The following MYRFL variants were observed in gnomAD, a reference collection of about 807,000 sequenced individuals.
MYRFL encodes myelin regulatory factor-like protein.
Under a neutral mutation model 109.4 loss-of-function variants are expected in MYRFL, and 88 were observed. The ratio of observed to expected loss-of-function variants is 0.80; its 90% CI spans 0.68 to 0.96. The LOEUF is 0.96. Among genes scored for constraint, MYRFL ranks in the 40% least tolerant of loss-of-function variants. The pLI, the probability that MYRFL is intolerant of heterozygous loss-of-function variation, is 0.00. For missense variants in MYRFL, 957 were observed against 954.9 expected (o/e 1.00, Z -0.03); for synonymous variants, 324 against 320.9 (o/e 1.01, Z -0.10).
intron 1 of MYRFL, among the ~76,000 whole-genome samples, chr12:69,847,429 T>C (rs1227755124): frequency 6.6e-6 from 1 of 152,224 alleles, no homozygotes; most frequent in Non-Finnish European, 1.5e-5. Flanking sequence ...TACTCAGAGA[T>C]GAACTTCTTT....
chr12:69,872,301 T>A (rs1885399723), intron 2 of MYRFL, among the ~76,000 whole-genome samples: 1 of 152,148 alleles, frequency 6.6e-6, no homozygotes, highest in Non-Finnish European at 1.5e-5. Context: ...AGTTGCTTTT[T>A]AAAAATCCAT....
At position 69,911,512 on chromosome 12, in the gene MYRFL, G is replaced by A. The variant is rs184571655; in HGVS notation, c.1602+582G>A. Among the ~76,000 whole-genome samples the A allele has an allele frequency of 5.3e-5, 8 of 152,122 alleles. No individual in the cohort carries two copies. The East Asian group carries it at 1.5e-3, about 29-fold the overall frequency. The stretch of plus-strand genomic sequence containing the variant: ...GGGCCTGATCATTTTTTTCCCAAGG[G>A]CCTCTCTTAATTCTTTGATATTCAA... On this transcript the variant is annotated intron_variant, in intron 13 of 24. Coordinates refer to ENST00000552032, the MANE Select transcript of MYRFL (RefSeq NM_182530.3).
intron 2 of MYRFL, among the ~76,000 whole-genome samples, chr12:69,870,818 A>T (rs1195990192): frequency 6.6e-6 from 1 of 152,216 alleles, no homozygotes; most frequent in Non-Finnish European, 1.5e-5. Flanking sequence ...CTTCATCTTA[A>T]AACCACCAAC....
intron 2 of MYRFL, among the ~76,000 whole-genome samples, chr12:69,866,796 C>T (rs1296317281): frequency 1.3e-5 from 2 of 152,162 alleles, no homozygotes; most frequent in African/African-American, 4.8e-5. Context: ...ACCAAATGCT[C>T]TATAAAAAAC....
intron 2 of MYRFL, among the ~76,000 whole-genome samples, chr12:69,864,898 T>C (rs1269305539): frequency 6.6e-6 from 1 of 152,224 alleles, no homozygotes; most frequent in African/African-American, 2.4e-5. Flanking sequence ...GTATGGTCTC[T>C]CTCCTCTTAA....
In MYRFL at chr12:69,926,932, G is replaced by GTTTTTTTTTTTTTTTTTTTTTT. The variant is rs1336716063; in HGVS notation, c.1766+198_1766+199insTTTTTTTTTTTTTTTTTTTTTT. 1.2e-3 allele frequency among the ~76,000 whole-genome samples: 90 copies of GTTTTTTTTTTTTTTTTTTTTTT among 76,848 alleles called. 36 individuals are homozygous for GTTTTTTTTTTTTTTTTTTTTTT. Among genetic ancestry groups the GTTTTTTTTTTTTTTTTTTTTTT allele is most frequent in the Non-Finnish European group, 1.9e-3 (73 of 39,076 alleles). 50.4% of individuals were successfully genotyped at this position (76,848 alleles called of 152,430 possible). A position where few individuals can be genotyped will look rare whatever the true frequency, so the allele number is the denominator to read the frequency against. ...ACTTTCTTAGTTTTTTTCTGTTGCT[G>GTTTTTTTTTTTTTTTTTTTTTT]GTTTTTTTTTTTTTTTTTTTTTTTT... On this transcript the variant is annotated intron_variant, in intron 14 of 24. Coordinates refer to ENST00000552032, the MANE Select transcript of MYRFL (RefSeq NM_182530.3).
chr12:69,909,689 T>C (rs1954490743), intron 11 of MYRFL, among the ~76,000 whole-genome samples: 1 of 152,182 alleles, frequency 6.6e-6, no homozygotes. Flanking sequence ...GACCCCGTAG[T>C]GACAGTTGGG....
At chr12:69,873,631 T>C (rs961330003) in intron 2 of MYRFL, among the ~76,000 whole-genome samples, 1 of 152,150 alleles carries the variant, frequency 6.6e-6, no homozygotes, top group Non-Finnish European at 1.5e-5. Context: ...GTGGATATAC[T>C]GGAAAAAGGG....
At chr12:69,925,078 G>GAATT (rs1303370526) in intron 13 of MYRFL, among the ~76,000 whole-genome samples, 1 of 152,214 alleles carries the variant, frequency 6.6e-6, no homozygotes, top group East Asian at 1.9e-4. Flanking sequence ...CCAGGTGATA[G>GAATT]AATTGAACAT....
chr12:69,841,973 A>G (rs1883270092), intron 1 of MYRFL, among the ~76,000 whole-genome samples: 1 of 152,212 alleles, frequency 6.6e-6, no homozygotes, highest in Non-Finnish European at 1.5e-5. Context: ...GAAAATGAGG[A>G]AAGTAAATAA....
At chr12:69,938,507 T>C (rs1181819443) in intron 19 of MYRFL, among the ~76,000 whole-genome samples, 1 of 152,180 alleles carries the variant, frequency 6.6e-6, no homozygotes, top group Non-Finnish European at 1.5e-5. Context: ...CAGTCAACAA[T>C]GGACCATATA....
chr12:69,891,882 G>T lies in MYRFL; in HGVS notation c.903+716G>T, dbSNP rs528129455. ...TGTAGAGATGGGGTCTCACTATGTT[G>T]CCTGGGCTGGGCTTCAATTCCTGGG... On this transcript the variant is annotated intron_variant, in intron 7 of 24. Coordinates refer to ENST00000552032, the MANE Select transcript of MYRFL (RefSeq NM_182530.3). Among the ~76,000 whole-genome samples the T allele has an allele frequency of 7.9e-5, 12 of 151,714 alleles. No homozygotes were observed. The East Asian group carries it at 2.1e-3, about 27-fold the overall frequency.
At chr12:69,914,764 G>A (rs937565727) in intron 13 of MYRFL, among the ~76,000 whole-genome samples, 1 of 152,176 alleles carries the variant, frequency 6.6e-6, no homozygotes, top group Non-Finnish European at 1.5e-5. Flanking sequence ...CCTCATTCAT[G>A]TGTCACCTGA....
intron 12 of MYRFL, 51 bp downstream of exon 12, chr12:69,910,128 T>C (rs1954509088): frequency 1.7e-6 from 2 of 1,207,922 alleles, no homozygotes; most frequent in Admixed American, 5.1e-5. Flanking sequence ...TATTAAAATT[T>C]TAATTACCTC....
At chr12:69,927,656 T>C (rs1955138205) in intron 14 of MYRFL, 29 bp from the exon 15 acceptor site, 1 of 1,513,864 alleles carries the variant, frequency 6.6e-7, no homozygotes, top group Non-Finnish European at 8.8e-7. Context: ...GGTATTTGAA[T>C]AGTAACCAAT....
chr12:69,954,291 A>G (rs1288169304), intron 21 of MYRFL, among the ~76,000 whole-genome samples: 2 of 152,228 alleles, frequency 1.3e-5, no homozygotes, highest in African/African-American at 4.8e-5. Context: ...GCTGTGAAGC[A>G]TGCAGATAAT....
intron 1 of MYRFL, among the ~76,000 whole-genome samples, chr12:69,843,031 G>A (rs960284968): frequency 3.3e-5 from 5 of 152,338 alleles, no homozygotes; most frequent in African/African-American, 4.8e-5. Flanking sequence ...CTAAGAAAAT[G>A]TCATCCTTAC....
chr12:69,868,464 T>C (rs1284913587), intron 2 of MYRFL, among the ~76,000 whole-genome samples: 1 of 152,078 alleles, frequency 6.6e-6, no homozygotes, highest in Non-Finnish European at 1.5e-5. Context: ...TACCTTTTCA[T>C]ATGAGAGTTG....
At chr12:69,853,575 C>T (rs1884050515) in intron 1 of MYRFL, among the ~76,000 whole-genome samples, 1 of 149,806 alleles carries the variant, frequency 6.7e-6, no homozygotes, top group African/African-American at 2.5e-5. Flanking sequence ...GGCAGAGACG[C>T]TCCTCACTTC....
Sources: gnomAD v4.1 joint callset for allele counts (sites outside exome capture counted in the v4.1 genomes callset) on GRCh38, gnomAD v4.1.1 for gene constraint, MANE v1.5 for transcripts, NCBI Gene and HGNC (gene_info 2026-07-23, HGNC 2026-07-21) for gene names.